The following EFCAB6 variants were observed in gnomAD, a reference collection of about 807,000 sequenced individuals.
The protein encoded by EFCAB6 is EF-hand calcium binding domain 6.
EFCAB6 carries 156 observed loss-of-function variants against 169.8 expected under a neutral mutation model. That is an observed-to-expected ratio of 0.92 (90% CI 0.81 to 1.05). EFCAB6 has a LOEUF of 1.05. Ranked by LOEUF, EFCAB6 falls within the 50% of genes least tolerant of loss-of-function variation. The probability of loss-of-function intolerance (pLI) is 0.00; values close to 1 mark genes in which losing one functional copy is unlikely to be tolerated. For missense variants in EFCAB6, 1,800 were observed against 1,829.1 expected (o/e 0.98, Z 0.29); for synonymous variants, 698 against 676.4 (o/e 1.03, Z -0.50).
intron 17 of EFCAB6, among the ~76,000 whole-genome samples, chr22:43,648,500 T>C (rs946857935): frequency 6.6e-6 from 1 of 152,174 alleles, no homozygotes; most frequent in African/African-American, 2.4e-5. Flanking sequence ...AAGTGGGAGC[T>C]AAGCATTGAG....
At chr22:43,604,145 GC>G (rs2052741417) in intron 22 of EFCAB6, among the ~76,000 whole-genome samples, 1 of 152,100 alleles carries the variant, frequency 6.6e-6, no homozygotes, top group Non-Finnish European at 1.5e-5. Context: ...TTCCTGTACA[GC>G]CTGTGGAACC....
intron 18 of EFCAB6, among the ~76,000 whole-genome samples, chr22:43,633,637 A>G (rs2055147648): frequency 6.6e-6 from 1 of 152,210 alleles, no homozygotes; most frequent in Admixed American, 6.5e-5. Context: ...TCTGAGTGTG[A>G]CCTTGTGTCA....
chr22:43,591,900 A>C (rs773733868), intron 23 of EFCAB6, among the ~76,000 whole-genome samples: 9 of 152,198 alleles, frequency 5.9e-5, no homozygotes, highest in Non-Finnish European at 1.2e-4. Context: ...ACTGGCTGTA[A>C]ATTCAATAAT....
chr22:43,688,030 C>T (rs1394155147), intron 10 of EFCAB6, among the ~76,000 whole-genome samples: 5 of 152,164 alleles, frequency 3.3e-5, no homozygotes, highest in African/African-American at 7.2e-5. Context: ...GATGGAGCAA[C>T]TCTCCTGGTT....
chr22:43,784,676 TACACAC>T (rs571679900), intron 2 of EFCAB6, among the ~76,000 whole-genome samples: 3,092 of 63,060 alleles, frequency 0.049, 188 homozygotes, highest in Middle Eastern at 0.063. Context: ...TATACATATA[TACACAC>T]ACACACACAC....
chr22:43,781,273 C>T (rs533474716), intron 3 of EFCAB6, among the ~76,000 whole-genome samples: 21 of 152,286 alleles, frequency 1.4e-4, no homozygotes, highest in Non-Finnish European at 2.6e-4. Context: ...CGAATGCTTA[C>T]GGCAGCTTCA....
intron 5 of EFCAB6, among the ~76,000 whole-genome samples, chr22:43,756,420 T>A (rs1266839528): frequency 6.6e-6 from 1 of 152,162 alleles, no homozygotes; most frequent in African/African-American, 2.4e-5. Flanking sequence ...ATCTATACCG[T>A]CCCTGGGTTC....
intron 17 of EFCAB6, among the ~76,000 whole-genome samples, chr22:43,657,849 G>A (rs1411956837): frequency 2.6e-5 from 4 of 152,130 alleles, no homozygotes; most frequent in Non-Finnish European, 2.9e-5. Flanking sequence ...AGACCTCAAC[G>A]TCTGCCTCTG....
chr22:43,593,990 G>A (rs991558679), intron 23 of EFCAB6, among the ~76,000 whole-genome samples: 1 of 152,086 alleles, frequency 6.6e-6, no homozygotes, highest in Non-Finnish European at 1.5e-5. Flanking sequence ...AATATGACAT[G>A]AGTGGCCAGG....
chr22:43,579,558 C>A (rs1487787980), intron 25 of EFCAB6, among the ~76,000 whole-genome samples: 1 of 151,216 alleles, frequency 6.6e-6, no homozygotes, highest in African/African-American at 2.4e-5. Flanking sequence ...AGGCATCATT[C>A]CCTACACGCA....
intron 6 of EFCAB6, among the ~76,000 whole-genome samples, chr22:43,740,912 G>A (rs2060345383): frequency 6.6e-6 from 1 of 152,118 alleles, no homozygotes; most frequent in Non-Finnish European, 1.5e-5. Context: ...AAACCCCAGA[G>A]CAACCCATAT....
Position 43,748,154 on chromosome 22 carries a change from A to T in EFCAB6, c.507+7612T>A, listed in dbSNP as rs551552566. Among the ~76,000 whole-genome samples the T allele has an allele frequency of 2.0e-5, 3 of 151,820 alleles. No homozygotes were observed. The East Asian group carries it at 5.8e-4, about 29-fold the overall frequency. ...CCAAGCCTGGTAACAGGTACGCCTG[A>T]CTCCAGTTGCTTTCCCAGCAAATGC... is the stretch of plus-strand genomic sequence containing the variant. On this transcript the variant is annotated intron_variant, in intron 6 of 31. Coordinates refer to ENST00000262726, the MANE Select transcript of EFCAB6 (RefSeq NM_022785.4).
At chr22:43,777,338 T>C (rs2061673302) in intron 3 of EFCAB6, among the ~76,000 whole-genome samples, 1 of 152,104 alleles carries the variant, frequency 6.6e-6, no homozygotes, top group African/African-American at 2.4e-5. Context: ...GATGGAGCTA[T>C]CATTTTGGTT....
chr22:43,753,433 C>G (rs575590569), intron 6 of EFCAB6, among the ~76,000 whole-genome samples: 2 of 152,290 alleles, frequency 1.3e-5, no homozygotes, highest in Admixed American at 6.5e-5. Flanking sequence ...AGAGGACACG[C>G]TGAGAACCAC....
intron 20 of EFCAB6, among the ~76,000 whole-genome samples, 198 bp downstream of exon 20, chr22:43,626,249 G>A (rs2054510797): frequency 6.6e-6 from 1 of 152,164 alleles, no homozygotes; most frequent in Admixed American, 6.5e-5. Context: ...ATGCTCACAG[G>A]TGGTAAGACC....
intron 7 of EFCAB6, among the ~76,000 whole-genome samples, chr22:43,733,656 G>A (rs1418628181): frequency 6.6e-6 from 1 of 152,146 alleles, no homozygotes; most frequent in African/African-American, 2.4e-5. Flanking sequence ...TCACAGGCAT[G>A]TTGTTTACAT....
rs150842086 is a variant in EFCAB6, at chr22:43,718,674, G to A, written c.758-1702C>T. ...GGCACGCCTATAGTCCCAGCTCCTC[G>A]GGAGGCTGAGTCAGGAGAACTGCTT... On this transcript the variant is annotated intron_variant, in intron 8 of 31. Transcript: ENST00000262726. Among the ~76,000 whole-genome samples the A allele has an allele frequency of 3.9e-3, 597 of 152,230 alleles. 2 individuals are homozygous for A. The highest frequency in any genetic ancestry group is 0.014 in the Middle Eastern group (4 of 294).
At chr22:43,610,949 G>T (rs1425029290) in intron 21 of EFCAB6, among the ~76,000 whole-genome samples, 3 of 152,174 alleles carry the variant, frequency 2.0e-5, no homozygotes, top group Admixed American at 2.0e-4. Context: ...AGACAGACAG[G>T]TGAATACAGA....
intron 6 of EFCAB6, among the ~76,000 whole-genome samples, chr22:43,745,522 C>T (rs556074146): frequency 5.9e-5 from 9 of 152,344 alleles, no homozygotes; most frequent in South Asian, 2.1e-4. Flanking sequence ...GCATCCCACC[C>T]GCCTGCCTGT....
Sources: gnomAD v4.1 joint callset for allele counts (sites outside exome capture counted in the v4.1 genomes callset) on GRCh38, gnomAD v4.1.1 for gene constraint, MANE v1.5 for transcripts, NCBI Gene and HGNC (gene_info 2026-07-23, HGNC 2026-07-21) for gene names.